PSME4: variants seen among roughly 807,000 people sequenced by gnomAD.
The protein encoded by PSME4 is proteasome activator complex subunit 4.
A neutral mutation model predicts 253.9 loss-of-function variants in PSME4; 89 were observed. The ratio of observed to expected loss-of-function variants is 0.35; its 90% CI spans 0.30 to 0.42. The LOEUF is 0.42. Ranked by LOEUF, PSME4 falls within the 10% of genes least tolerant of loss-of-function variation. The pLI is 1.00. For synonymous variants in PSME4, 851 were observed against 759.2 expected, an observed-to-expected ratio of 1.12 and a Z score of -1.99; for missense variants, 2,014 against 2,195.2, an observed-to-expected ratio of 0.92 and a Z score of 1.65.
chr2:53,951,245 G>A (rs1340873570), intron 1 of PSME4, among the ~76,000 whole-genome samples: 1 of 152,104 alleles, frequency 6.6e-6, no homozygotes, highest in Non-Finnish European at 1.5e-5. Flanking sequence ...ACCACGCCCG[G>A]CTAATTTTTG....
intron 10 of PSME4, 105 bp from the exon 11 acceptor site, chr2:53,928,408 T>A (rs1329520957): frequency 2.3e-6 from 2 of 881,674 alleles, no homozygotes; most frequent in African/African-American, 3.4e-5. Flanking sequence ...ACTTAAAGGC[T>A]TACAGTTAGC....
At chr2:53,959,516 C>T (rs951207175) in intron 1 of PSME4, among the ~76,000 whole-genome samples, 2 of 152,144 alleles carry the variant, frequency 1.3e-5, no homozygotes, top group African/African-American at 4.8e-5. Context: ...TCCTGCCCAC[C>T]CAAAATAAAC....
chr2:53,944,812 C>CA (rs1230698945), intron 3 of PSME4, among the ~76,000 whole-genome samples: 11 of 151,920 alleles, frequency 7.2e-5, no homozygotes, highest in African/African-American at 2.4e-4. Flanking sequence ...TAAAGAGCAC[C>CA]AATTCAAATA....
intron 26 of PSME4, among the ~76,000 whole-genome samples, chr2:53,905,498 C>G (rs932330702): frequency 6.6e-6 from 1 of 151,948 alleles, no homozygotes; most frequent in African/African-American, 2.4e-5. Context: ...CCCAGGAGTT[C>G]GAGGCCAGCC....
At chr2:53,965,580 C>T (rs1670685527) in intron 1 of PSME4, among the ~76,000 whole-genome samples, 1 of 151,304 alleles carries the variant, frequency 6.6e-6, no homozygotes, top group Non-Finnish European at 1.5e-5. Context: ...GTTCTACTAT[C>T]AAGGAAGTAT....
chr2:53,950,539 T>A (rs139272632), intron 1 of PSME4, among the ~76,000 whole-genome samples: 2 of 152,078 alleles, frequency 1.3e-5, no homozygotes, highest in Admixed American at 1.3e-4. Flanking sequence ...TTAAGCAAAT[T>A]TAAGAAAAAG....
intron 4 of PSME4, among the ~76,000 whole-genome samples, chr2:53,937,834 C>T (rs1669194132): frequency 6.6e-6 from 1 of 152,026 alleles, no homozygotes; most frequent in Non-Finnish European, 1.5e-5. Context: ...CCAGTCTTTA[C>T]AAAAAATTTG....
In PSME4 at chr2:53,908,369, T is replaced by A. The variant is rs747067705; in HGVS notation, c.2735A>T (p.Asp912Val). The A allele has an allele frequency of 2.5e-6, 4 of 1,613,224 alleles. No individual in the cohort carries two copies. In the South Asian group the frequency reaches 4.4e-5, roughly 18 times the overall value. The change falls in exon 24 of 47, where the codon GAC becomes GTC. Residue 912 changes from aspartate (D) to valine (V), a missense_variant. This residue lies in a region of PSME4 where 989 missense variants were observed against 1,021.1 expected (regional missense o/e 0.97). Coordinates refer to ENST00000404125, the MANE Select transcript of PSME4 (RefSeq NM_014614.3). ...TAAGTTGAAGCTTTTCCATCGGGAGTCAAATTCATGCTTGTGAGATCCTTG... is the reference window on the plus strand; with the variant it reads ...TAAGTTGAAGCTTTTCCATCGGGAGACAAATTCATGCTTGTGAGATCCTTG... ...QFQGSHKHEF[D>V]SRWKSFNLVK...
At chr2:53,896,419 A>T (rs915301914) in intron 32 of PSME4, among the ~76,000 whole-genome samples, 2 of 152,242 alleles carry the variant, frequency 1.3e-5, no homozygotes, top group Non-Finnish European at 2.9e-5. Context: ...AGACCAGAAA[A>T]AAATGGTTTT....
At chr2:53,938,843 C>G (rs1669246460) in intron 4 of PSME4, among the ~76,000 whole-genome samples, 1 of 152,150 alleles carries the variant, frequency 6.6e-6, no homozygotes, top group Non-Finnish European at 1.5e-5. Context: ...GTGTCAGGTC[C>G]TTGTGTAACA....
chr2:53,890,546 A>G (rs1046141582), intron 36 of PSME4, among the ~76,000 whole-genome samples: 36 of 152,252 alleles, frequency 2.4e-4, no homozygotes, highest in Admixed American at 2.3e-3. Context: ...GCCTCAAGCA[A>G]TCCTCTCACC....
At position 53,970,705 on chromosome 2, in the gene PSME4, A is replaced by T. The variant is rs1174942055; in HGVS notation, c.80T>A (p.Val27Asp). 1 of 1,548,676 alleles carries T rather than the reference A, an allele frequency of 6.5e-7. No homozygotes were observed. The highest frequency in any genetic ancestry group is 1.2e-5 in the South Asian group (1 of 83,972). The change falls in exon 1 of 47, where the codon GTC becomes GAC. Residue 27 changes from valine to aspartate, a missense_variant. By Grantham distance (152) the Val-to-Asp change is radical (BLOSUM62 -3). Around this residue, in one of 4 missense-constraint regions of PSME4, gnomAD observed 615 missense variants for 594.4 expected, o/e 1.03. Coordinates refer to ENST00000404125, the MANE Select transcript of PSME4 (RefSeq NM_014614.3). ...GRPEPGPRGFVPQKEIVYNKL... is the reference protein window; with the variant it reads ...GRPEPGPRGFDPQKEIVYNKL... Reference sequence around the variant, plus strand: ...GTTGTAGACGATCTCCTTCTGCGGGACGAAGCCCCGCGGGCCCGGCTCGGG... The same window carrying T: ...GTTGTAGACGATCTCCTTCTGCGGGTCGAAGCCCCGCGGGCCCGGCTCGGG...
At chr2:53,936,335 C>T (rs982867523) in intron 6 of PSME4, among the ~76,000 whole-genome samples, 174 bp from the exon 7 acceptor site, 4 of 151,910 alleles carry the variant, frequency 2.6e-5, no homozygotes, top group Non-Finnish European at 5.9e-5. Flanking sequence ...ATTCATGTCA[C>T]GCATTTAAAA....
chr2:53,941,413 G>C (rs1669449944), intron 3 of PSME4, among the ~76,000 whole-genome samples: 1 of 151,586 alleles, frequency 6.6e-6, no homozygotes, highest in Non-Finnish European at 1.5e-5. Context: ...ACACAGTTTA[G>C]AGAAAATCTA....
rs778048724 is a variant in PSME4, at chr2:53,874,536, C to T, written c.4945-42G>A. 1.8e-5 allele frequency: 28 copies of T among 1,573,640 alleles called. 1 individual carries two copies. In the South Asian group the frequency reaches 2.3e-4, roughly 13 times the overall value. On this transcript the variant is annotated intron_variant, in intron 42 of 46. Coordinates refer to ENST00000404125, the MANE Select transcript of PSME4 (RefSeq NM_014614.3). ...AATATAAACGATAAAGCAGTACTGA[C>T]AAGAACATGAGATGACAGATAGTGA...
At chr2:53,903,444 T>A (rs1029534437) in intron 27 of PSME4, among the ~76,000 whole-genome samples, 4 of 152,204 alleles carry the variant, frequency 2.6e-5, no homozygotes, top group African/African-American at 9.7e-5. Flanking sequence ...CCTGACAGTA[T>A]AAGCAATCAT....
intron 1 of PSME4, among the ~76,000 whole-genome samples, chr2:53,955,347 G>T (rs1447694919): frequency 6.6e-6 from 1 of 152,098 alleles, no homozygotes; most frequent in Non-Finnish European, 1.5e-5. Flanking sequence ...CAACACAAAT[G>T]CATAACTTTC....
chr2:53,884,456 G>C (rs573971800), intron 41 of PSME4, among the ~76,000 whole-genome samples: 81 of 150,484 alleles, frequency 5.4e-4, no homozygotes, highest in African/African-American at 1.5e-3. Context: ...TGATCCACCC[G>C]CCTCGGCCTC....
intron 22 of PSME4, 69 bp from the exon 23 acceptor site, chr2:53,908,634 A>AAT: frequency 1.3e-6 from 2 of 1,510,794 alleles, no homozygotes; most frequent in Non-Finnish European, 1.8e-6. Context: ...TTGAGGCATT[A>AAT]GTCAAGAATC....
Sources: gnomAD v4.1 joint callset for allele counts (sites outside exome capture counted in the v4.1 genomes callset) on GRCh38, gnomAD v4.1.1 for gene constraint, gnomAD v4.1.1 regional missense constraint, MANE v1.5 for transcripts, NCBI Gene and HGNC (gene_info 2026-07-23, HGNC 2026-07-21) for gene names.